The following SF1 variants were observed in gnomAD, a reference collection of about 807,000 sequenced individuals.
The protein encoded by SF1 is branch point-binding protein.
In SF1, 7 loss-of-function variants were observed where a neutral mutation model predicts 62.5. The observed-to-expected ratio is 0.11, with a 90% CI of 0.06 to 0.21. The LOEUF (loss-of-function observed/expected upper bound fraction) is 0.21, where lower values mean the gene tolerates loss of function less well. Among genes scored for constraint, SF1 ranks in the 10% least tolerant of loss-of-function variants. The pLI is 1.00. For synonymous variants in SF1, 394 were observed against 323.6 expected, an observed-to-expected ratio of 1.22 and a Z score of -2.33; for missense variants, 578 against 884.0, an observed-to-expected ratio of 0.65 and a Z score of 4.39.
rs771004060 is a variant in SF1, at chr11:64,776,641, C to G, written c.32-15G>C. On this transcript the variant is annotated splice_polypyrimidine_tract_variant and intron_variant, in intron 1 of 12. Transcript: ENST00000377390. ...ACTTGGGAAGTCTAAAAGGCAGAGA[C>G]AAAATCCATCCGATGTAAATACAAG... 2 of 1,605,126 alleles carry G rather than the reference C, an allele frequency of 1.2e-6. No homozygotes were observed. Among genetic ancestry groups the G allele is most frequent in the Admixed American group, 1.7e-5 (1 of 57,294 alleles).
chr11:64,778,253 G>A (rs1170293716), intron 1 of SF1, 109 bp downstream of exon 1: 2 of 1,207,464 alleles, frequency 1.7e-6, no homozygotes, highest in Non-Finnish European at 2.1e-6. Flanking sequence ...GGGCGGCGGC[G>A]GCCCGGGAGC....
rs973062066 is a variant in SF1 at position 64,778,423 on chromosome 11, C to T, written c.-31G>A. The stretch of plus-strand genomic sequence containing the variant: ...CCCCGGGGACAGGCACCGGCACCTG[C>T]TTTTCCTCTGCGGCGGCTTCTCCTT... On this transcript the variant is annotated 5_prime_UTR_variant, in exon 1 of 13. Transcript: ENST00000377390. The T allele has an allele frequency of 2.0e-5, 25 of 1,224,478 alleles. No homozygotes were observed. The African/African-American group carries it at 3.6e-4, about 18-fold the overall frequency. 75.9% of individuals were successfully genotyped at this position (1,224,478 alleles called of 1,614,324 possible).
At chr11:64,771,793 G>A (rs1938365205) in intron 3 of SF1, 3 of 984,898 alleles carry the variant, frequency 3.0e-6, no homozygotes, top group African/African-American at 1.7e-5. Context: ...CAATAAAGTG[G>A]CTTAAGTGAT....
rs1400631459 is a variant in SF1, at chr11:64,769,558, G to T, written c.531C>A (p.Ile177=). The T allele has an allele frequency of 1.9e-6, 3 of 1,613,922 alleles. No individual in the cohort carries two copies. In the African/African-American group the frequency reaches 4.0e-5, roughly 22 times the overall value. The part of the protein sequence containing the change: ...IEKECNAKIM[I]RGKGSVKEGK... ...CTTCTTTCACAGACCCTTTCCCCCG[G>T]ATCATAATCTTGGCATTGCACTCCT... is the stretch of plus-strand genomic sequence containing the variant. The change falls in exon 6 of 13, where the codon ATC becomes ATA. Residue 177 remains isoleucine, a synonymous_variant. Transcript: ENST00000377390.
rs759455274 is a variant in SF1, at chr11:64,765,090, A to G, written c.*728T>C. 5.6e-6 allele frequency: 1 copy of G among 179,430 alleles called. No homozygotes were observed. Among genetic ancestry groups the G allele is most frequent in the Non-Finnish European group, 1.2e-5 (1 of 85,704 alleles). The allele number at this position is 179,430 out of a possible 1,614,324, so 11.1% of individuals were successfully genotyped here. A position where few individuals can be genotyped will look rare whatever the true frequency, so the allele number is the denominator to read the frequency against. ...AGGGTGGCAGAGATTAAAAAACCCCACGCTTTAAACAAACATCTTTGGGGG... is the reference window on the plus strand; with the variant it reads ...AGGGTGGCAGAGATTAAAAAACCCCGCGCTTTAAACAAACATCTTTGGGGG... On this transcript the variant is annotated 3_prime_UTR_variant, in exon 13 of 13. Transcript: ENST00000377390.
At chr11:64,768,839 A>C (rs539280370) in intron 8 of SF1, among the ~76,000 whole-genome samples, 183 bp downstream of exon 8, 1 of 152,218 alleles carries the variant, frequency 6.6e-6, no homozygotes, top group Non-Finnish European at 1.5e-5. Flanking sequence ...GCTCAAGACA[A>C]ACAAACAGGG....
chr11:64,767,854 A>G lies in SF1; in HGVS notation c.1069-10T>C. The G allele has an allele frequency of 1.2e-6, 2 of 1,604,332 alleles. No homozygotes were observed. Among genetic ancestry groups the G allele is most frequent in the East Asian group, 2.2e-5 (1 of 44,736 alleles). On this transcript the variant is annotated splice_polypyrimidine_tract_variant and intron_variant, in intron 9 of 12. Coordinates refer to ENST00000377390, the MANE Select transcript of SF1 (RefSeq NM_004630.4). ...TGGTAGACATGAGAGACTACGTGAGAGCATTTCCTGCCAACGTCCCTGCCT... is the reference window on the plus strand; with the variant it reads ...TGGTAGACATGAGAGACTACGTGAGGGCATTTCCTGCCAACGTCCCTGCCT...
chr11:64,768,951 C>G (rs1937828064), intron 8 of SF1, 71 bp downstream of exon 8: 1 of 978,802 alleles, frequency 1.0e-6, no homozygotes, highest in Admixed American at 1.7e-5. Context: ...TAACAGCAAC[C>G]AATGAATGTG....
At position 64,769,358 on chromosome 11, in the gene SF1, C is replaced by CT; in HGVS notation, c.664-21_664-20insA. The CT allele has an allele frequency of 6.2e-7, 1 of 1,613,750 alleles. No homozygotes were observed. The highest frequency in any genetic ancestry group is 8.5e-7 in the Non-Finnish European group (1 of 1,179,624). On this transcript the variant is annotated intron_variant, in intron 6 of 12. Coordinates refer to ENST00000377390, the MANE Select transcript of SF1 (RefSeq NM_004630.4). Reference sequence around the variant, plus strand: ...TCTTATCTAGTGAAAATGCAATGGACAGTTAAGTGCTTAGGGCCTCCACCT... The same window carrying CT: ...TCTTATCTAGTGAAAATGCAATGGACTAGTTAAGTGCTTAGGGCCTCCACCT...
At chr11:64,771,023 G>C (rs1214695316) in intron 3 of SF1, among the ~76,000 whole-genome samples, 1 of 152,208 alleles carries the variant, frequency 6.6e-6, no homozygotes, top group Non-Finnish European at 1.5e-5. Flanking sequence ...GAGACAACCT[G>C]TTTTCTGGCT....
Position 64,767,817 on chromosome 11 carries a change from G to A in SF1, c.1096C>T (p.Pro366Ser). ...PSLMSTTQSR[P>S]PWMNSGPSES... ...GAAGGGCCAGAATTCATCCAGGGTG[G>A]GCGGCTCTGGGTGGTAGACATGAGA... The change falls in exon 10 of 13, where the codon CCA becomes TCA. Residue 366 changes from proline to serine, a missense_variant. Pro to Ser is a moderately conservative substitution (Grantham distance 74, BLOSUM62 -1). Transcript: ENST00000377390. 6.2e-7 allele frequency: 1 copy of A among 1,613,734 alleles called. No individual in the cohort carries two copies. Among genetic ancestry groups the A allele is most frequent in the South Asian group, 1.1e-5 (1 of 91,046 alleles).
Position 64,767,845 on chromosome 11 carries a change from C to G in SF1, c.1069-1G>C, listed in dbSNP as rs1937607403. 3.7e-6 allele frequency: 6 copies of G among 1,608,038 alleles called. No individual in the cohort carries two copies. Among genetic ancestry groups the G allele is most frequent in the Non-Finnish European group, 5.1e-6 (6 of 1,178,116 alleles). ...GGCTCTGGGTGGTAGACATGAGAGA[C>G]TACGTGAGAGCATTTCCTGCCAACG... On this transcript the variant is annotated splice_acceptor_variant, in intron 9 of 12. Transcript: ENST00000377390. LOFTEE classifies it high-confidence loss of function.
intron 12 of SF1, chr11:64,766,580 C>T: frequency 2.4e-6 from 1 of 412,020 alleles, no homozygotes; most frequent in Non-Finnish European, 4.3e-6. Flanking sequence ...CCATCCCACT[C>T]GACCCATATG....
At chr11:64,774,675 A>G (rs1938867867) in intron 2 of SF1, among the ~76,000 whole-genome samples, 1 of 152,292 alleles carries the variant, frequency 6.6e-6, no homozygotes, top group East Asian at 1.9e-4. Context: ...GAAAGAAAAT[A>G]CTGGCCGGGC....
chr11:64,765,302 AAAG>A lies in SF1; in HGVS notation c.*513_*515del, dbSNP rs1404264356. ...ACGGAGTCTGAAGAAAGGAAAAGAT[AAAG>A]AAGTAACAAAGGAAAAAGAAAAAAA... On this transcript the variant is annotated 3_prime_UTR_variant, in exon 13 of 13. Coordinates refer to ENST00000377390, the MANE Select transcript of SF1 (RefSeq NM_004630.4). 2 of 635,834 alleles carry A rather than the reference AAAG, an allele frequency of 3.1e-6. No individual in the cohort carries two copies. Among genetic ancestry groups the A allele is most frequent in the Non-Finnish European group, 5.7e-6 (2 of 351,050 alleles). The allele number at this position is 635,834 out of a possible 1,614,324, so 39.4% of individuals were successfully genotyped here. A position where few individuals can be genotyped will look rare whatever the true frequency, so the allele number is the denominator to read the frequency against.
intron 1 of SF1, chr11:64,777,360 T>A (rs1565587665): frequency 5.7e-6 from 2 of 351,496 alleles, no homozygotes; most frequent in East Asian, 1.7e-4. Flanking sequence ...AAAAGCTTTT[T>A]AAAACAAAGC....
chr11:64,766,026 G>T lies in SF1; in HGVS notation c.1712C>A (p.Pro571His). The T allele has an allele frequency of 6.2e-7, 1 of 1,609,656 alleles. No individual in the cohort carries two copies. Among genetic ancestry groups the T allele is most frequent in the Non-Finnish European group, 8.5e-7 (1 of 1,178,592 alleles). ...QGNPTMVPLP[P>H]GVQPPLPPGA... ...AGGCGGCAGAGGCGGCTGGACCCCG[G>T]GGGGCAGGGGCACCATAGTGGGGTT... Residue 571 changes from proline (P) to histidine (H), a missense_variant, in exon 13 of 13, where the codon CCC becomes CAC. Pro to His is a moderately conservative substitution (Grantham distance 77). Transcript: ENST00000377390.
intron 3 of SF1, chr11:64,772,672 G>A (rs1938521483): frequency 2.0e-6 from 2 of 985,184 alleles, no homozygotes. Flanking sequence ...AATTTTAGCT[G>A]TTCAATCAGC....
At chr11:64,770,474 C>CTA in intron 3 of SF1, 66 bp from the exon 4 acceptor site, 2 of 1,558,956 alleles carry the variant, frequency 1.3e-6, no homozygotes, top group Middle Eastern at 1.7e-4. Context: ...CGGACTATAA[C>CTA]AAGTCTTTCC....
Sources: allele counts gnomAD v4.1 joint callset (sites outside exome capture counted in the v4.1 genomes callset), GRCh38; gene constraint gnomAD v4.1.1; transcripts MANE v1.5; gene names NCBI Gene and HGNC (gene_info 2026-07-23, HGNC 2026-07-21).